The following SLC66A1 variants were observed in gnomAD, a reference collection of about 807,000 sequenced individuals.
The protein encoded by SLC66A1 is solute carrier family 66 member 1, also known as lysosomal amino acid transporter 1 homolog.
SLC66A1 carries 23 observed loss-of-function variants against 33.0 expected under a neutral mutation model. That is an observed-to-expected ratio of 0.70 (90% CI 0.50 to 0.99). SLC66A1 has a LOEUF of 0.99. Among genes scored for constraint, SLC66A1 ranks in the 50% least tolerant of loss-of-function variants. SLC66A1 has a pLI of 0.00. For synonymous variants in SLC66A1, 164 were observed against 175.5 expected, an observed-to-expected ratio of 0.93 and a Z score of 0.52; for missense variants, 335 against 383.6, an observed-to-expected ratio of 0.87 and a Z score of 1.06.
chr1:19,325,630 G>T (rs771733559), intron 4 of SLC66A1, 48 bp downstream of exon 4: 12 of 1,104,096 alleles, frequency 1.1e-5, no homozygotes, highest in African/African-American at 1.8e-5. Context: ...AGCAGCAGGG[G>T]GCAGTTGTGG....
intron 1 of SLC66A1, among the ~76,000 whole-genome samples, chr1:19,316,804 C>G (rs577508972): frequency 6.6e-6 from 1 of 152,152 alleles, no homozygotes; most frequent in South Asian, 2.1e-4. Flanking sequence ...GTAGCTTGGA[C>G]CAGAGGTGCA....
At chr1:19,330,576 C>G (rs2093889639), downstream of SLC66A1, among the ~76,000 whole-genome samples, 1 of 152,270 alleles carries the variant, frequency 6.6e-6, no homozygotes, top group East Asian at 1.9e-4. Context: ...GAGGACTTCT[C>G]AGAGGAGTGG....
chr1:19,315,160 T>C (rs1176803865), intron 1 of SLC66A1, among the ~76,000 whole-genome samples: 1 of 152,208 alleles, frequency 6.6e-6, no homozygotes, highest in Non-Finnish European at 1.5e-5. Context: ...CCAACTGCCT[T>C]GGCCTCCCAA....
chr1:19,320,587 GT>G (rs1303457948), intron 2 of SLC66A1, among the ~76,000 whole-genome samples: 1 of 149,416 alleles, frequency 6.7e-6, no homozygotes, highest in African/African-American at 2.5e-5. Context: ...CTAATTTTTT[GT>G]ATTTTTTTAG....
chr1:19,333,068 T>TGGGAC (rs2152020797), downstream of SLC66A1, among the ~76,000 whole-genome samples: 2 of 152,310 alleles, frequency 1.3e-5, no homozygotes, highest in African/African-American at 4.8e-5. This position sits in a 1 kb window ranked among gnomAD's most constrained non-coding sequence, Gnocchi z 4.2. Flanking sequence ...GGGGATGGGA[T>TGGGAC]GGGACAGAAA....
intron 4 of SLC66A1, 63 bp downstream of exon 4, chr1:19,325,645 G>T (rs956033818): frequency 2.6e-5 from 34 of 1,291,730 alleles, no homozygotes; most frequent in Admixed American, 3.8e-5. Context: ...TTGTGGGGGG[G>T]GGCGCCTGGA....
chr1:19,334,448 T>C, the SLC66A1 span, among the ~76,000 whole-genome samples: 3 of 152,250 alleles, frequency 2.0e-5, no homozygotes, highest in Non-Finnish European at 4.4e-5. Context: ...CAACATTATA[T>C]TGAGAAAAAT....
rs908377679 is a variant in SLC66A1, at chr1:19,328,794, C to G, written c.*151C>G. On this transcript the variant is annotated 3_prime_UTR_variant, in exon 8 of 8. Coordinates refer to ENST00000375153, the MANE Select transcript of SLC66A1 (RefSeq NM_001040125.2). The surrounding 1 kb of genome is among the most constrained non-coding windows in gnomAD (Gnocchi z 4.7). ...ACCGAACCGTCCCCCCAGGAACACA[C>G]CTTCAGGTAGACCCCGAAGCCTCAA... 4 of 818,546 alleles carry G rather than the reference C, an allele frequency of 4.9e-6. No homozygotes were observed. Among genetic ancestry groups the G allele is most frequent in the Non-Finnish European group, 7.7e-6 (4 of 522,518 alleles). 50.7% of individuals were successfully genotyped at this position (818,546 alleles called of 1,614,324 possible). A position where few individuals can be genotyped will look rare whatever the true frequency, so the allele number is the denominator to read the frequency against.
downstream of SLC66A1, among the ~76,000 whole-genome samples, chr1:19,334,077 G>T (rs2093898793): frequency 1.3e-5 from 2 of 152,242 alleles, no homozygotes; most frequent in Non-Finnish European, 2.9e-5. Context: ...CAGTCACCCA[G>T]TAGCAGCACT....
Position 19,327,326 on chromosome 1 carries a change from G to A in SLC66A1, c.718G>A (p.Glu240Lys), listed in dbSNP as rs773086016. ...YGLSVLLKNP[E>K]EGQSEGSYLL... is the part of the protein sequence containing the mutation. ...GCTGAGCGTGCTGCTCAAAAACCCC[G>A]AGGAGGGCCAGAGCGAGGGCAGCTA... Residue 240 changes from glutamate to lysine, a missense_variant, in exon 7 of 8, where the codon GAG becomes AAG. Transcript: ENST00000375153. The A allele has an allele frequency of 3.5e-5, 56 of 1,613,212 alleles. No homozygotes were observed. The highest frequency in any genetic ancestry group is 4.4e-5 in the Non-Finnish European group (52 of 1,179,662).
At chr1:19,321,114 C>T (rs1301278628) in intron 2 of SLC66A1, among the ~76,000 whole-genome samples, 1 of 146,242 alleles carries the variant, frequency 6.8e-6, no homozygotes, top group Non-Finnish European at 1.5e-5. Context: ...GTTTTGGTGT[C>T]ATATCTAAGA....
At chr1:19,314,561 A>G (rs1451979072) in intron 1 of SLC66A1, among the ~76,000 whole-genome samples, 2 of 152,222 alleles carry the variant, frequency 1.3e-5, no homozygotes, top group South Asian at 2.1e-4. Context: ...AGTCGCTGCC[A>G]TGTGTTGTCA....
In SLC66A1 at chr1:19,324,800, C is replaced by A. The variant is rs761343892; in HGVS notation, c.294+38C>A. The A allele has an allele frequency of 6.5e-5, 105 of 1,607,204 alleles. 1 individual carries two copies. The Middle Eastern group carries it at 8.3e-4, about 13-fold the overall frequency. On this transcript the variant is annotated intron_variant, in intron 3 of 7. Transcript: ENST00000375153. Reference sequence around the variant, plus strand: ...CCGGGCAAGGTGGCGCTACCCCTAACCCTGCTTCACCCTGCAGGGTTGCCT... The same window carrying A: ...CCGGGCAAGGTGGCGCTACCCCTAAACCTGCTTCACCCTGCAGGGTTGCCT...
rs370304703 is a variant in SLC66A1 at position 19,327,214 on chromosome 1, C to T, written c.619-13C>T. On this transcript the variant is annotated splice_polypyrimidine_tract_variant and intron_variant, in intron 6 of 7. Transcript: ENST00000375153. ...CTGTTCGAGGTCTCTGACCTGACCTCCTCCTGCCCCAGTTCCTCCGGAAGT... is the reference window on the plus strand; with the variant it reads ...CTGTTCGAGGTCTCTGACCTGACCTTCTCCTGCCCCAGTTCCTCCGGAAGT... The T allele has an allele frequency of 4.3e-6, 7 of 1,610,314 alleles. No individual in the cohort carries two copies. The African/African-American group carries it at 8.0e-5, about 18-fold the overall frequency.
chr1:19,314,634 G>A (rs962229004), intron 1 of SLC66A1, among the ~76,000 whole-genome samples: 8 of 152,192 alleles, frequency 5.3e-5, no homozygotes, highest in East Asian at 3.9e-4. Context: ...AGTGAGTGTC[G>A]TTAGCCCCAT....
chr1:19,318,819 A>G (rs2093819009), intron 2 of SLC66A1, among the ~76,000 whole-genome samples: 1 of 152,130 alleles, frequency 6.6e-6, no homozygotes, highest in Admixed American at 6.6e-5. Context: ...TTAAAAACAA[A>G]AAAGAAGGGA....
rs1246394263 is a variant in SLC66A1 at position 19,319,657 on chromosome 1, C to T, written c.164+1816C>T. Among the ~76,000 whole-genome samples, 6 of 136,790 alleles carry T rather than the reference C, an allele frequency of 4.4e-5. No homozygotes were observed. In the Admixed American group the frequency reaches 4.8e-4, roughly 11 times the overall value. 89.7% of individuals were successfully genotyped at this position (136,790 alleles called of 152,430 possible). A position where few individuals can be genotyped will look rare whatever the true frequency, so the allele number is the denominator to read the frequency against. On this transcript the variant is annotated intron_variant, in intron 2 of 7. Coordinates refer to ENST00000375153, the MANE Select transcript of SLC66A1 (RefSeq NM_001040125.2). The stretch of plus-strand genomic sequence containing the variant: ...GTGGCTCACACCTGTAATGCTAGCA[C>T]TTTGGGAGGCTAAGGCGGGCAGATC...
downstream of SLC66A1, among the ~76,000 whole-genome samples, chr1:19,329,897 A>T (rs903722046): frequency 6.2e-4 from 95 of 152,042 alleles, no homozygotes; most frequent in African/African-American, 2.2e-3. Context: ...AGTGGCGGGT[A>T]CAGGAGCAAG....
At chr1:19,315,874 G>T (rs1361227621) in intron 1 of SLC66A1, among the ~76,000 whole-genome samples, 1 of 152,168 alleles carries the variant, frequency 6.6e-6, no homozygotes, top group Non-Finnish European at 1.5e-5. Flanking sequence ...TTCCTGGCTG[G>T]GTGGCGCTGG....
Sources: gnomAD v4.1 joint callset for allele counts (sites outside exome capture counted in the v4.1 genomes callset) on GRCh38, gnomAD v4.1.1 for gene constraint, Gnocchi (gnomAD v3.1) non-coding constraint, MANE v1.5 for transcripts, NCBI Gene and HGNC (gene_info 2026-07-23, HGNC 2026-07-21) for gene names.